The following FHIT variants were observed in gnomAD, a reference collection of about 807,000 sequenced individuals.
The protein encoded by FHIT is fragile histidine triad diadenosine triphosphatase.
Under a neutral mutation model 17.9 loss-of-function variants are expected in FHIT, and 19 were observed. That is an observed-to-expected ratio of 1.06 (90% CI 0.74 to 1.56). The LOEUF is 1.56. Among genes scored for constraint, FHIT ranks in the 40% most tolerant of loss-of-function variants. The pLI is 0.00. For missense variants in FHIT, 248 were observed against 189.2 expected (o/e 1.31, Z -1.82); for synonymous variants, 81 against 69.7 (o/e 1.16, Z -0.81).
intron 4 of FHIT, among the ~76,000 whole-genome samples, chr3:60,775,510 C>A (rs1700190482): frequency 6.6e-6 from 1 of 152,146 alleles, no homozygotes; most frequent in Admixed American, 6.5e-5. Context: ...ACTTCTTTTT[C>A]ACCCAATAAA....
At chr3:60,763,153 G>A (rs1553720477) in intron 4 of FHIT, among the ~76,000 whole-genome samples, 1 of 152,124 alleles carries the variant, frequency 6.6e-6, no homozygotes, top group Non-Finnish European at 1.5e-5. Flanking sequence ...TGACTCCACA[G>A]GCTTGTTGGC....
At chr3:59,780,556 A>T (rs545617994) in intron 8 of FHIT, among the ~76,000 whole-genome samples, 1 of 152,290 alleles carries the variant, frequency 6.6e-6, no homozygotes, top group South Asian at 2.1e-4. Context: ...CTTCCCCAAA[A>T]TTCATTAACA....
intron 5 of FHIT, among the ~76,000 whole-genome samples, chr3:60,493,529 A>G (rs2034155917): frequency 2.6e-5 from 4 of 152,330 alleles, no homozygotes; most frequent in South Asian, 4.1e-4. Context: ...TGCAATGTCA[A>G]TTTTAAAGAA....
chr3:60,770,004 G>T (rs2108072201), intron 4 of FHIT, among the ~76,000 whole-genome samples: 1 of 152,230 alleles, frequency 6.6e-6, no homozygotes, highest in Admixed American at 6.5e-5. Context: ...GTGTTGGGAG[G>T]GGTCATTAGT....
At chr3:60,445,474 A>C (rs1454124085) in intron 5 of FHIT, among the ~76,000 whole-genome samples, 1 of 142,156 alleles carries the variant, frequency 7.0e-6, no homozygotes. Context: ...AAAAAGAAGA[A>C]GAAGAAGAAA....
intron 4 of FHIT, among the ~76,000 whole-genome samples, chr3:60,596,345 A>C (rs1355831266): frequency 1.3e-5 from 2 of 152,090 alleles, no homozygotes; most frequent in Non-Finnish European, 2.9e-5. Flanking sequence ...AACCACCTTG[A>C]AGTTCTCCAA....
intron 5 of FHIT, among the ~76,000 whole-genome samples, chr3:60,121,241 C>T (rs7633785): frequency 0.29 from 43,621 of 151,922 alleles, 6,658 homozygotes; most frequent in Non-Finnish European, 0.34. Context: ...TTATCTGTTA[C>T]ATATTAATGC....
intron 3 of FHIT, among the ~76,000 whole-genome samples, chr3:61,006,395 T>C (rs1222003816): frequency 2.6e-5 from 4 of 152,150 alleles, no homozygotes; most frequent in South Asian, 2.1e-4. Context: ...TCAATGACCA[T>C]AACAAATGCT....
At chr3:60,585,204 T>C (rs2037868228) in intron 4 of FHIT, among the ~76,000 whole-genome samples, 1 of 152,018 alleles carries the variant, frequency 6.6e-6, no homozygotes, top group Non-Finnish European at 1.5e-5. Flanking sequence ...GGCCTATAAC[T>C]AATTCTGAAA....
chr3:60,632,508 A>G (rs1186764045), intron 4 of FHIT, among the ~76,000 whole-genome samples: 1 of 152,204 alleles, frequency 6.6e-6, no homozygotes, highest in Non-Finnish European at 1.5e-5. Flanking sequence ...GGCAGATGAC[A>G]GTTTCCGCAG....
chr3:61,241,376 C>T (rs1459781031), intron 1 of FHIT, among the ~76,000 whole-genome samples: 8 of 152,148 alleles, frequency 5.3e-5, no homozygotes, highest in African/African-American at 1.4e-4. Flanking sequence ...AAGCAGGTAC[C>T]GTCCTTCAGT....
intron 3 of FHIT, among the ~76,000 whole-genome samples, chr3:61,033,984 T>C (rs542814933): frequency 1.3e-5 from 2 of 152,264 alleles, no homozygotes; most frequent in South Asian, 4.1e-4. Flanking sequence ...ACATAGATGC[T>C]CAACTAAGGT....
intron 2 of FHIT, among the ~76,000 whole-genome samples, chr3:61,130,225 T>A (rs891277218): frequency 1.3e-5 from 2 of 152,236 alleles, no homozygotes; most frequent in Non-Finnish European, 2.9e-5. Flanking sequence ...AAACGTCTGC[T>A]ACCTAAGAAT....
At chr3:61,204,054 C>A (rs572813166) in intron 1 of FHIT, among the ~76,000 whole-genome samples, 2 of 152,242 alleles carry the variant, frequency 1.3e-5, no homozygotes, top group Non-Finnish European at 2.9e-5. Context: ...AACATAGATA[C>A]CTCTCAAAAT....
intron 3 of FHIT, among the ~76,000 whole-genome samples, chr3:60,859,397 TA>T (rs1703521354): frequency 6.6e-6 from 1 of 152,168 alleles, no homozygotes; most frequent in African/African-American, 2.4e-5. Context: ...CAGAGATTAT[TA>T]GTATTCACCC....
intron 4 of FHIT, among the ~76,000 whole-genome samples, chr3:60,747,048 T>G (rs1371517713): frequency 6.6e-6 from 1 of 152,044 alleles, no homozygotes; most frequent in Non-Finnish European, 1.5e-5. Context: ...GATTCAGCCT[T>G]AGTTTACCTT....
intron 5 of FHIT, among the ~76,000 whole-genome samples, chr3:60,207,587 G>A (rs1030242676): frequency 1.7e-4 from 26 of 152,120 alleles, no homozygotes; most frequent in African/African-American, 4.3e-4. Context: ...TCCCCCCGCC[G>A]ACAAATCATA....
At chr3:61,063,255 CA>C (rs371077056) in intron 2 of FHIT, among the ~76,000 whole-genome samples, 45 of 95,818 alleles carry the variant, frequency 4.7e-4, no homozygotes, top group East Asian at 4.9e-4. Context: ...GACTCTGTCT[CA>C]AAAAAAAAAA....
At position 59,787,526 on chromosome 3, in the gene FHIT, A is replaced by ACACACT. The variant is rs1205518012; in HGVS notation, c.349-35206_349-35205insAGTGTG. Among the ~76,000 whole-genome samples the ACACACT allele has an allele frequency of 2.0e-3, 273 of 135,252 alleles. 2 individuals carry two copies. The highest frequency in any genetic ancestry group is 3.7e-3 in the African/African-American group (133 of 35,732). 88.7% of individuals were successfully genotyped at this position (135,252 alleles called of 152,430 possible). On this transcript the variant is annotated intron_variant, in intron 8 of 9. Transcript: ENST00000492590. ...CACACACACACACACACACACACAC[A>ACACACT]CACGTCAAAGGCTTCTCCCTCTTTA...
Sources: allele counts gnomAD v4.1 joint callset (sites outside exome capture counted in the v4.1 genomes callset), GRCh38; gene constraint gnomAD v4.1.1; transcripts MANE v1.5; gene names NCBI Gene and HGNC (gene_info 2026-07-23, HGNC 2026-07-21).